Variants in PGM2L1 observed in about 807,000 individuals in gnomAD.
PGM2L1 encodes the protein glucose 1,6-bisphosphate synthase.
A neutral mutation model predicts 73.4 loss-of-function variants in PGM2L1; 35 were observed. That is an observed-to-expected ratio of 0.48 (90% confidence interval 0.36 to 0.63). The LOEUF is 0.63. Ranked by LOEUF, PGM2L1 falls within the 30% of genes least tolerant of loss-of-function variation. The pLI, the probability that PGM2L1 is intolerant of heterozygous loss-of-function variation, is 0.00. For missense variants in PGM2L1, 570 were observed against 742.0 expected (o/e 0.77, Z 2.69); for synonymous variants, 225 against 253.8 (o/e 0.89, Z 1.08).
intron 5 of PGM2L1, among the ~76,000 whole-genome samples, chr11:74,359,722 G>A (rs1862524189): frequency 6.6e-6 from 1 of 151,920 alleles, no homozygotes; most frequent in Admixed American, 6.6e-5. Context: ...AGAAAAAGAT[G>A]GAGAAGTGAC....
intron 1 of PGM2L1, among the ~76,000 whole-genome samples, chr11:74,376,928 A>G (rs1030947184): frequency 6.6e-6 from 1 of 152,194 alleles, no homozygotes; most frequent in African/African-American, 2.4e-5. Context: ...CCTATTTAAC[A>G]GTGAGACATT....
chr11:74,391,275 G>A (rs1325203229), intron 1 of PGM2L1, among the ~76,000 whole-genome samples: 6 of 148,766 alleles, frequency 4.0e-5, no homozygotes, highest in Admixed American at 1.3e-4. Flanking sequence ...GAAACAACAC[G>A]CCATCTTCAC....
Position 74,374,572 on chromosome 11 carries a change from GT to G in PGM2L1, c.121del (p.Thr41GlnfsTer13). On this transcript the variant is annotated frameshift_variant, in exon 2 of 14. Coordinates refer to ENST00000298198, the MANE Select transcript of PGM2L1 (RefSeq NM_173582.6). LOFTEE classifies it high-confidence loss of function. ...TAACAGGTTTTCAATCTGCTCTTTTGTTTTGGGATTCTATAAAAAAGAAGTA... is the reference window on the plus strand; with the variant it reads ...TAACAGGTTTTCAATCTGCTCTTTTGTTTGGGATTCTATAAAAAAGAAGTA... ...QWLRWDKNPK[T>X]KEQIENLLRN... 1 of 1,613,012 alleles carries G rather than the reference GT, an allele frequency of 6.2e-7. No individual in the cohort carries two copies. The highest frequency in any genetic ancestry group is 8.5e-7 in the Non-Finnish European group (1 of 1,179,552).
At chr11:74,395,770 C>T (rs893213186) in intron 1 of PGM2L1, among the ~76,000 whole-genome samples, 8 of 151,692 alleles carry the variant, frequency 5.3e-5, no homozygotes, top group African/African-American at 7.3e-5. Flanking sequence ...CTCAGTCCAC[C>T]GTTTACTCCT....
In PGM2L1 at chr11:74,374,412, T is replaced by TA; in HGVS notation, c.279+2dup. 1.9e-6 allele frequency: 3 copies of TA among 1,605,630 alleles called. No homozygotes were observed. The highest frequency in any genetic ancestry group is 2.6e-6 in the Non-Finnish European group (3 of 1,174,270). The stretch of plus-strand genomic sequence containing the variant: ...TACACTCTTAATACTTTATAATACT[T>TA]ACCTGTGTTGACTGTATTACTGTAA... On this transcript the variant is annotated splice_region_variant and intron_variant, in intron 2 of 13. Coordinates refer to ENST00000298198, the MANE Select transcript of PGM2L1 (RefSeq NM_173582.6).
chr11:74,372,800 C>G (rs767564131), intron 2 of PGM2L1, among the ~76,000 whole-genome samples: 5 of 152,274 alleles, frequency 3.3e-5, no homozygotes, highest in Non-Finnish European at 5.9e-5. Context: ...AAACAAAGTC[C>G]CAGTGACTTC....
chr11:74,371,236 T>C (rs1000423971), intron 3 of PGM2L1, among the ~76,000 whole-genome samples: 1 of 152,204 alleles, frequency 6.6e-6, no homozygotes, highest in Admixed American at 6.5e-5. Context: ...CTCATTCATC[T>C]TTTGATGGCT....
chr11:74,383,603 C>G (rs1387774388), intron 1 of PGM2L1, among the ~76,000 whole-genome samples: 1 of 151,852 alleles, frequency 6.6e-6, no homozygotes, highest in Non-Finnish European at 1.5e-5. Context: ...TCCCTCCCCA[C>G]GCCTCCCAGA....
At chr11:74,371,989 T>A (rs1326224140) in intron 2 of PGM2L1, among the ~76,000 whole-genome samples, 172 bp from the exon 3 acceptor site, 2 of 152,096 alleles carry the variant, frequency 1.3e-5, no homozygotes, top group Admixed American at 6.5e-5. Flanking sequence ...TCCAGAAATG[T>A]AAGATGACAA....
chr11:74,372,849 C>T (rs1026333357), intron 2 of PGM2L1, among the ~76,000 whole-genome samples: 1 of 152,176 alleles, frequency 6.6e-6, no homozygotes, highest in Admixed American at 6.5e-5. Flanking sequence ...ATTTCCCCAA[C>T]CTATAAGCTA....
Position 74,336,275 on chromosome 11 carries a change from C to CT in PGM2L1, c.*376dup, listed in dbSNP as rs911354908. 7.4e-4 allele frequency: 110 copies of CT among 148,374 alleles called. No homozygotes were observed. The highest frequency in any genetic ancestry group is 3.3e-3 in the Middle Eastern group (1 of 300). The allele number at this position is 148,374 out of a possible 1,614,324, so 9.2% of individuals were successfully genotyped here. A position where few individuals can be genotyped will look rare whatever the true frequency, so the allele number is the denominator to read the frequency against. On this transcript the variant is annotated 3_prime_UTR_variant, in exon 14 of 14. Coordinates refer to ENST00000298198, the MANE Select transcript of PGM2L1 (RefSeq NM_173582.6). ...CTACAATTATATAACATTTACCTGT[C>CT]TTTTTTTTTTTCTTTTACCATGCTA... is the stretch of plus-strand genomic sequence containing the variant.
At chr11:74,376,058 GTC>G (rs907983641) in intron 1 of PGM2L1, among the ~76,000 whole-genome samples, 165 of 152,280 alleles carry the variant, frequency 1.1e-3, no homozygotes, top group African/African-American at 3.8e-3. Context: ...AACTGGGATA[GTC>G]TTTTTACAGT....
chr11:74,375,679 A>G (rs1365173598), intron 1 of PGM2L1, among the ~76,000 whole-genome samples: 2 of 152,216 alleles, frequency 1.3e-5, no homozygotes, highest in Admixed American at 6.5e-5. Flanking sequence ...TTTTCTGGTT[A>G]TAGTAGAAAT....
At chr11:74,342,832 T>C in intron 11 of PGM2L1, 53 bp downstream of exon 11, 1 of 1,510,776 alleles carries the variant, frequency 6.6e-7, no homozygotes. Context: ...AAACTAAGGG[T>C]AGGACAATAA....
intron 5 of PGM2L1, among the ~76,000 whole-genome samples, chr11:74,367,945 A>G (rs1287867351): frequency 6.6e-6 from 1 of 152,176 alleles, no homozygotes; most frequent in Non-Finnish European, 1.5e-5. Context: ...AAACAAATAC[A>G]AGAACACAGG....
intron 1 of PGM2L1, among the ~76,000 whole-genome samples, chr11:74,392,137 C>T (rs1279348712): frequency 6.6e-6 from 1 of 152,042 alleles, no homozygotes; most frequent in South Asian, 2.1e-4. Context: ...TTAGTCTTTT[C>T]ATGGTAACCA....
chr11:74,398,008 G>A (rs770655312), intron 1 of PGM2L1, 43 bp downstream of exon 1: 7 of 1,566,998 alleles, frequency 4.5e-6, no homozygotes, highest in Non-Finnish European at 6.1e-6. Flanking sequence ...AGCAGACTGT[G>A]TGGGGGAGGC....
chr11:74,378,959 A>G (rs1038760440), intron 1 of PGM2L1, among the ~76,000 whole-genome samples: 2 of 152,218 alleles, frequency 1.3e-5, no homozygotes, highest in African/African-American at 4.8e-5. Flanking sequence ...AGGGACTTCT[A>G]TATTATTTAT....
chr11:74,379,926 A>G (rs937555207), intron 1 of PGM2L1, among the ~76,000 whole-genome samples: 4 of 151,406 alleles, frequency 2.6e-5, no homozygotes, highest in African/African-American at 7.3e-5. Context: ...AATTCTGTCT[A>G]AAAAAAAATC....
Sources: gnomAD v4.1 joint callset for allele counts (sites outside exome capture counted in the v4.1 genomes callset) on GRCh38, gnomAD v4.1.1 for gene constraint, MANE v1.5 for transcripts, NCBI Gene and HGNC (gene_info 2026-07-23, HGNC 2026-07-21) for gene names.